SIGLEC10: variants seen among roughly 807,000 people sequenced by gnomAD.
SIGLEC10 encodes the protein sialic acid-binding Ig-like lectin 10.
SIGLEC10 carries 45 observed loss-of-function variants against 68.3 expected under a neutral mutation model. That is an observed-to-expected ratio of 0.66 (90% CI 0.52 to 0.84). The LOEUF (loss-of-function observed/expected upper bound fraction) is 0.84. SIGLEC10 is among the 40% of genes least tolerant of loss of function. The probability of loss-of-function intolerance (pLI) is 0.00; values close to 1 mark genes in which losing one functional copy is unlikely to be tolerated. For synonymous variants in SIGLEC10, 379 were observed against 370.8 expected (o/e 1.02, Z -0.26); for missense variants, 789 against 883.1 (o/e 0.89, Z 1.35).
chr19:51,412,432 G>A (rs1271551818), intron 10 of SIGLEC10, among the ~76,000 whole-genome samples: 1 of 152,022 alleles, frequency 6.6e-6, no homozygotes, highest in Non-Finnish European at 1.5e-5. Context: ...GGAAAATGTG[G>A]TGTTATTTGC....
At position 51,414,409 on chromosome 19, in the gene SIGLEC10, C is replaced by T. The variant is rs1278601830; in HGVS notation, c.1709+13G>A. On this transcript the variant is annotated intron_variant, in intron 9 of 10. Coordinates refer to ENST00000339313, the MANE Select transcript of SIGLEC10 (RefSeq NM_033130.5). This position sits in a 1 kb window ranked among gnomAD's most constrained non-coding sequence, Gnocchi z 4.1. ...CCAGGCCCCAGACCCCGCCACGCCT[C>T]CTCTTAACCTACATGATCAGGGCCA... 8 of 1,611,646 alleles carry T rather than the reference C, an allele frequency of 5.0e-6. No homozygotes were observed. The highest frequency in any genetic ancestry group is 1.7e-5 in the Admixed American group (1 of 59,758).
chr19:51,412,762 C>A (rs1988137118), intron 10 of SIGLEC10, among the ~76,000 whole-genome samples: 1 of 151,248 alleles, frequency 6.6e-6, no homozygotes, highest in African/African-American at 2.4e-5. Context: ...AGGTGTGAGC[C>A]AGCAGGCGTG....
In SIGLEC10 at chr19:51,415,280, C is replaced by T. The variant is rs1381880318; in HGVS notation, c.1231G>A (p.Glu411Lys). The T allele has an allele frequency of 2.5e-6, 4 of 1,613,960 alleles. No homozygotes were observed. Among genetic ancestry groups the T allele is most frequent in the Middle Eastern group, 1.6e-4 (1 of 6,084 alleles). Reference sequence around the variant, plus strand: ...TGCTCCACTTGAACCCGAGGCAGCTCCAGGACCCCGGGGTCTGAGGGCTGG... The same window carrying T: ...TGCTCCACTTGAACCCGAGGCAGCTTCAGGACCCCGGGGTCTGAGGGCTGG... ...PSQPSDPGVL[E>K]LPRVQVEHEG... is the part of the protein sequence containing the mutation. Residue 411 changes from glutamate (E) to lysine (K), a missense_variant, in exon 7 of 11, where the codon GAG (glutamate) becomes AAG (lysine). Physicochemically the swap from Glu to Lys is moderately conservative, Grantham distance 56. Transcript: ENST00000339313.
Position 51,414,324 on chromosome 19 carries a change from A to G in SIGLEC10, c.1709+98T>C, listed in dbSNP as rs1449886565. The G allele has an allele frequency of 1.1e-5, 10 of 951,982 alleles. No homozygotes were observed. In the East Asian group the frequency reaches 1.8e-4, roughly 17 times the overall value. 59.0% of individuals were successfully genotyped at this position (951,982 alleles called of 1,614,324 possible). ...GTTTACTCATGTAACCTCCAGAGGTATACTGCGTTGATCACGACCTTCACT... is the reference window on the plus strand; with the variant it reads ...GTTTACTCATGTAACCTCCAGAGGTGTACTGCGTTGATCACGACCTTCACT... On this transcript the variant is annotated intron_variant, in intron 9 of 10. Coordinates refer to ENST00000339313, the MANE Select transcript of SIGLEC10 (RefSeq NM_033130.5). The surrounding 1 kb of genome is among the most constrained non-coding windows in gnomAD (Gnocchi z 4.1).
In SIGLEC10 at chr19:51,411,326, G is replaced by A. The variant is rs371498493; in HGVS notation, c.1867C>T (p.Pro623Ser). 1.9e-6 allele frequency: 3 copies of A among 1,614,066 alleles called. No homozygotes were observed. Among genetic ancestry groups the A allele is most frequent in the Non-Finnish European group, 2.5e-6 (3 of 1,180,042 alleles). ...QKATPNSPRT[P>S]LPPGAPSPES... The stretch of plus-strand genomic sequence containing the variant: ...GGGGAGGGAGCACCTGGTGGAAGAG[G>A]GGTCCGAGGACTGTTTGGTGTGGCT... Residue 623 changes from proline to serine, a missense_variant, in exon 11 of 11, where the codon CCT (proline) becomes TCT (serine). Transcript: ENST00000339313.
Position 51,414,945 on chromosome 19 carries a change from T to C in SIGLEC10, c.1494A>G (p.Ser498=), listed in dbSNP as rs368486668. The stretch of plus-strand genomic sequence containing the variant: ...GGGAGCTGTTGGCCCAGGGCCCGGC[T>C]GAGCTGGGGGTGACCTCGAAGGAGT... ...SQDSFEVTPS[S]AGPWANSSLS... is the part of the protein sequence containing the mutation. The change falls in exon 8 of 11, where the codon TCA becomes TCG. Residue 498 remains serine (S), a synonymous_variant. Coordinates refer to ENST00000339313, the MANE Select transcript of SIGLEC10 (RefSeq NM_033130.5). This position sits in a 1 kb window ranked among gnomAD's most constrained non-coding sequence, Gnocchi z 4.1. The C allele has an allele frequency of 5.3e-5, 86 of 1,613,864 alleles. No homozygotes were observed. The highest frequency in any genetic ancestry group is 6.6e-5 in the Non-Finnish European group (78 of 1,180,000).
chr19:51,415,016 G>A lies in SIGLEC10; in HGVS notation c.1423C>T (p.Arg475Cys), dbSNP rs771096436. The change falls in exon 8 of 11, where the codon CGC becomes TGC. Residue 475 changes from arginine to cysteine, a missense_variant. Transcript: ENST00000339313. ...AGCAGCTCCTCCCCAAGCCACCAGC[G>A]CAGAGAGGGGGCCGGGCTGGCCTGG... Reference protein sequence around the residue: ...SSQASPAPSLRWWLGEELLEG... With the variant: ...SSQASPAPSLCWWLGEELLEG... 9.9e-6 allele frequency: 16 copies of A among 1,610,858 alleles called. No homozygotes were observed. The highest frequency in any genetic ancestry group is 2.2e-5 in the South Asian group (2 of 90,938).
chr19:51,411,519 A>C, intron 10 of SIGLEC10, 148 bp from the exon 11 acceptor site: 1 of 1,050,756 alleles, frequency 9.5e-7, no homozygotes, highest in South Asian at 1.7e-5. Context: ...AAGGAGGAAC[A>C]GACAATAATT....
At chr19:51,416,979 T>C (rs776305563) in intron 2 of SIGLEC10, 29 bp from the exon 3 acceptor site, 4 of 1,598,530 alleles carry the variant, frequency 2.5e-6, no homozygotes, top group Non-Finnish European at 3.4e-6. Flanking sequence ...TGGGAGATTC[T>C]TGTGCTGCAG....
chr19:51,415,551 T>C lies in SIGLEC10; in HGVS notation c.1072+17A>G. ...TTCGGCACTGAGAGGCCTTGGCTCC[T>C]CTGTCCCCTTTCCTACCTGTCCTGT... On this transcript the variant is annotated intron_variant, in intron 6 of 10. Transcript: ENST00000339313. The C allele has an allele frequency of 6.2e-7, 1 of 1,614,034 alleles. No homozygotes were observed. Among genetic ancestry groups the C allele is most frequent in the South Asian group, 1.1e-5 (1 of 91,074 alleles).
At position 51,414,736 on chromosome 19, in the gene SIGLEC10, C is replaced by T; in HGVS notation, c.1615+88G>A. On this transcript the variant is annotated intron_variant, in intron 8 of 10. Transcript: ENST00000339313. The surrounding 1 kb of genome is among the most constrained non-coding windows in gnomAD (Gnocchi z 4.1). ...GATGCCACGGGTCTGCTGTGTCCCT[C>T]CAAGCTCCTGCTCCAACCACAGGAC... is the stretch of plus-strand genomic sequence containing the variant. 6.3e-7 allele frequency: 1 copy of T among 1,585,712 alleles called. No homozygotes were observed. The highest frequency in any genetic ancestry group is 8.6e-7 in the Non-Finnish European group (1 of 1,165,838).
In SIGLEC10 at chr19:51,412,950, G is replaced by A. The variant is rs185803884; in HGVS notation, c.1821+762C>T. On this transcript the variant is annotated intron_variant, in intron 10 of 10. Coordinates refer to ENST00000339313, the MANE Select transcript of SIGLEC10 (RefSeq NM_033130.5). ...ACCCGGCTAATTTTTTATTTTTTTT[G>A]TAGAGAAGAGGTCTCACTATGTTGC... Among the ~76,000 whole-genome samples the A allele has an allele frequency of 2.0e-3, 303 of 151,724 alleles. 2 individuals are homozygous for A. Among genetic ancestry groups the A allele is most frequent in the Middle Eastern group, 3.4e-3 (1 of 294 alleles).
chr19:51,416,128 T>C lies in SIGLEC10; in HGVS notation c.794A>G (p.Glu265Gly). ...PQPQGNVPYL[E>G]AQKGQFLRLL... ...CCGCAGGAACTGGCCTTTTTGGGCTTCCAGGTATGGGACATTTCCCTGGGG... is the reference window on the plus strand; with the variant it reads ...CCGCAGGAACTGGCCTTTTTGGGCTCCCAGGTATGGGACATTTCCCTGGGG... The change falls in exon 5 of 11, where the codon GAA becomes GGA. Residue 265 changes from glutamate (E) to glycine (G), a missense_variant. Glu to Gly is a moderately conservative substitution (Grantham distance 98, BLOSUM62 -2). Transcript: ENST00000339313. 1 of 1,607,796 alleles carries C rather than the reference T, an allele frequency of 6.2e-7. No homozygotes were observed. Among genetic ancestry groups the C allele is most frequent in the Non-Finnish European group, 8.5e-7 (1 of 1,177,176 alleles).
chr19:51,416,782 A>G lies in SIGLEC10; in HGVS notation c.590T>C (p.Phe197Ser). 3 of 1,614,162 alleles carry G rather than the reference A, an allele frequency of 1.9e-6. No homozygotes were observed. The highest frequency in any genetic ancestry group is 2.5e-6 in the Non-Finnish European group (3 of 1,180,012). ...SQGTKPTTSH[F>S]SVLSFTPRPQ... ...TCTGGGCGTGAAGCTGAGCACTGAG[A>G]AGTGGGAGGTCGTTGGTTTGGTTCC... The change falls in exon 3 of 11, where the codon TTC becomes TCC. Residue 197 changes from phenylalanine to serine, a missense_variant. By Grantham distance (155) the Phe-to-Ser change is radical. Coordinates refer to ENST00000339313, the MANE Select transcript of SIGLEC10 (RefSeq NM_033130.5).
At chr19:51,413,569 A>T in intron 10 of SIGLEC10, 143 bp downstream of exon 10, 1 of 675,090 alleles carries the variant, frequency 1.5e-6, no homozygotes, top group Non-Finnish European at 2.6e-6. Flanking sequence ...TCTCATAGCT[A>T]GTAAGTGCCA....
At position 51,415,036 on chromosome 19, in the gene SIGLEC10, G is replaced by C. The variant is rs756690528; in HGVS notation, c.1403C>G (p.Ala468Gly). The C allele has an allele frequency of 1.2e-6, 2 of 1,605,944 alleles. No individual in the cohort carries two copies. The highest frequency in any genetic ancestry group is 2.2e-5 in the South Asian group (2 of 90,578). The change falls in exon 8 of 11, where the codon GCC becomes GGC. Residue 468 changes from alanine to glycine, a missense_variant. Transcript: ENST00000339313. ...CCAGCGCAGAGAGGGGGCCGGGCTG[G>C]CCTGGGAGGAGCAGCTGCAGTGCAG... ...EGLHCSCSSQASPAPSLRWWL... is the reference protein window; with the variant it reads ...EGLHCSCSSQGSPAPSLRWWL...
At chr19:51,412,108 C>T (rs1988069063) in intron 10 of SIGLEC10, among the ~76,000 whole-genome samples, 1 of 152,080 alleles carries the variant, frequency 6.6e-6, no homozygotes, top group Non-Finnish European at 1.5e-5. Context: ...TGCCACTGCA[C>T]TCCAGCCTAG....
Position 51,414,542 on chromosome 19 carries a change from A to G in SIGLEC10, c.1616-27T>C. 1 of 1,605,596 alleles carries G rather than the reference A, an allele frequency of 6.2e-7. No homozygotes were observed. ...TGCACACGGAGAGGGCAAGGTGAGC[A>G]TTTCCCATCCACGCAGGGCTCACGA... On this transcript the variant is annotated intron_variant, in intron 8 of 10. Coordinates refer to ENST00000339313, the MANE Select transcript of SIGLEC10 (RefSeq NM_033130.5). This position sits in a 1 kb window ranked among gnomAD's most constrained non-coding sequence, Gnocchi z 4.1.
chr19:51,414,817 C>T lies in SIGLEC10; in HGVS notation c.1615+7G>A, dbSNP rs780690879. The T allele has an allele frequency of 1.2e-6, 2 of 1,612,814 alleles. No individual in the cohort carries two copies. Among genetic ancestry groups the T allele is most frequent in the Middle Eastern group, 1.6e-4 (1 of 6,076 alleles). On this transcript the variant is annotated splice_region_variant and intron_variant, in intron 8 of 10. Coordinates refer to ENST00000339313, the MANE Select transcript of SIGLEC10 (RefSeq NM_033130.5). The surrounding 1 kb of genome is among the most constrained non-coding windows in gnomAD (Gnocchi z 4.1). ...CAAGAACCTTGGCATCCAGGCGGCC[C>T]CCTAACCTGGCAGCTGCAGGATGGA...
Sources: gnomAD v4.1 joint callset for allele counts (sites outside exome capture counted in the v4.1 genomes callset) on GRCh38, gnomAD v4.1.1 for gene constraint, Gnocchi (gnomAD v3.1) non-coding constraint, MANE v1.5 for transcripts, NCBI Gene and HGNC (gene_info 2026-07-23, HGNC 2026-07-21) for gene names.